The following NOTCH2 variants were observed in gnomAD, a reference collection of about 807,000 sequenced individuals.
NOTCH2 encodes notch receptor 2.
In NOTCH2, 29 loss-of-function variants were observed where a neutral mutation model predicts 235.8. That is an observed-to-expected ratio of 0.12 (90% CI 0.09 to 0.17). The LOEUF is 0.17. Among genes scored for constraint, NOTCH2 ranks in the 10% least tolerant of loss-of-function variants. The probability of loss-of-function intolerance (pLI) is 1.00; values close to 1 mark genes in which losing one functional copy is unlikely to be tolerated. For missense variants in NOTCH2, 2,285 were observed against 3,150.2 expected (o/e 0.73, Z 6.57); for synonymous variants, 1,086 against 1,141.5 (o/e 0.95, Z 0.98).
intron 1 of NOTCH2, among the ~76,000 whole-genome samples, chr1:120,064,081 ACT>A (rs1570799246): frequency 6.6e-6 from 1 of 151,794 alleles, no homozygotes; most frequent in African/African-American, 2.4e-5. Context: ...AGGTCTCAGG[ACT>A]CTGAGACAAA....
In NOTCH2 at chr1:119,997,314, G is replaced by A. The variant is rs150730704; in HGVS notation, c.434C>T (p.Thr145Met). Residue 145 changes from threonine (T) to methionine (M), a missense_variant, in exon 4 of 34, where the codon ACG (threonine) becomes ATG (methionine). By Grantham distance (81) the Thr-to-Met change is moderately conservative. This residue lies in a region of NOTCH2 where 431 missense variants were observed against 757.8 expected (regional missense o/e 0.57). Transcript: ENST00000256646. ...VGFTGKECQW[T>M]DACLSHPCAN... ...ACAGGGATGAGACAGGCAGGCATCCGTCCATTGGCACTCCTTACCTAAAGG... is the reference window on the plus strand; with the variant it reads ...ACAGGGATGAGACAGGCAGGCATCCATCCATTGGCACTCCTTACCTAAAGG... 85 of 1,613,990 alleles carry A rather than the reference G, an allele frequency of 5.3e-5. 1 individual carries two copies. Among genetic ancestry groups the A allele is most frequent in the Admixed American group, 2.5e-4 (15 of 60,022 alleles).
intron 1 of NOTCH2, among the ~76,000 whole-genome samples, chr1:120,031,159 TGGCC>T (rs1553210939): frequency 1.0e-4 from 15 of 148,410 alleles, no homozygotes; most frequent in African/African-American, 3.7e-4. Flanking sequence ...ACGCTAGGCC[TGGCC>T]ATCCCTGGCC....
rs886044278 is a variant in NOTCH2, at chr1:119,916,670, C to A, written c.6052G>T (p.Ala2018Ser). Residue 2018 changes from alanine (A) to serine (S), a missense_variant, in exon 34 of 34, where the codon GCC becomes TCC. Around this residue, in one of 6 missense-constraint regions of NOTCH2, gnomAD observed 128 missense variants for 255.9 expected, o/e 0.50. Transcript: ENST00000256646. ...GCTGCTTCATAGCTCCCCTCCCGGG[C>A]AGCAAGAAACAGAGGTGTCTCTTCC... ...NKEETPLFLA[A>S]REGSYEAAKI... The A allele has an allele frequency of 4.3e-6, 7 of 1,614,056 alleles. No individual in the cohort carries two copies. The African/African-American group carries it at 9.3e-5, about 22-fold the overall frequency.
At chr1:120,039,193 GTATCA>G (rs1457750048) in intron 1 of NOTCH2, among the ~76,000 whole-genome samples, 2 of 152,154 alleles carry the variant, frequency 1.3e-5, no homozygotes, top group Non-Finnish European at 2.9e-5. Flanking sequence ...GGAAGAAGCT[GTATCA>G]TATCTAGAAA....
chr1:119,915,903 A>G lies in NOTCH2; in HGVS notation c.6819T>C (p.Ala2273=). 6.2e-7 allele frequency: 1 copy of G among 1,614,162 alleles called. No individual in the cohort carries two copies. Among genetic ancestry groups the G allele is most frequent in the South Asian group, 1.1e-5 (1 of 91,084 alleles). ...QYNEMFGMVL[A]PAEGTHPGIA... Reference sequence around the variant, plus strand: ...TGCCAGGATGGGTGCCCTCAGCTGGAGCCAGGACCATACCAAACATCTCAT... The same window carrying G: ...TGCCAGGATGGGTGCCCTCAGCTGGGGCCAGGACCATACCAAACATCTCAT... The change falls in exon 34 of 34, where the codon GCT becomes GCC. Residue 2273 remains alanine (A), a synonymous_variant. Coordinates refer to ENST00000256646, the MANE Select transcript of NOTCH2 (RefSeq NM_024408.4).
At chr1:120,010,212 T>C (rs1553206748) in intron 2 of NOTCH2, among the ~76,000 whole-genome samples, 7 of 152,028 alleles carry the variant, frequency 4.6e-5, no homozygotes, top group Admixed American at 3.9e-4. Flanking sequence ...TCCTTTTTGA[T>C]ACAAATTCTG....
At chr1:120,037,017 T>C (rs1553212005) in intron 1 of NOTCH2, among the ~76,000 whole-genome samples, 1 of 152,134 alleles carries the variant, frequency 6.6e-6, no homozygotes, top group African/African-American at 2.4e-5. Context: ...CTTCAATGTG[T>C]TTTACTTGTT....
At chr1:119,978,819 GA>G (rs1392358956) in intron 5 of NOTCH2, among the ~76,000 whole-genome samples, 13 of 152,218 alleles carry the variant, frequency 8.5e-5, no homozygotes, top group African/African-American at 2.6e-4. Flanking sequence ...GGTTGAGAGT[GA>G]GGGGATCCAG....
chr1:120,029,328 A>T (rs1213067645), intron 2 of NOTCH2, among the ~76,000 whole-genome samples: 1 of 151,724 alleles, frequency 6.6e-6, no homozygotes, highest in African/African-American at 2.4e-5. Flanking sequence ...ACACAAGGGA[A>T]TCTAATATAT....
chr1:120,000,232 T>C (rs1402448655), intron 3 of NOTCH2, among the ~76,000 whole-genome samples: 2 of 151,724 alleles, frequency 1.3e-5, no homozygotes, highest in African/African-American at 4.9e-5. Context: ...AAATAGCATA[T>C]GTATAAAAGA....
Position 119,916,367 on chromosome 1 carries a change from G to A in NOTCH2, c.6355C>T (p.Leu2119Phe), listed in dbSNP as rs1649070818. 1 of 1,614,172 alleles carries A rather than the reference G, an allele frequency of 6.2e-7. No homozygotes were observed. Among genetic ancestry groups the A allele is most frequent in the Non-Finnish European group, 8.5e-7 (1 of 1,180,024 alleles). ...KSTMPTSLPN[L>F]AKEAKDAKGS... ...TTGGCATCCTTTGCCTCCTTGGCAA[G>A]GTTAGGGAGGCTAGTAGGCATGGTA... Residue 2119 changes from leucine (L) to phenylalanine (F), a missense_variant, in exon 34 of 34, where the codon CTT (leucine) becomes TTT (phenylalanine). Coordinates refer to ENST00000256646, the MANE Select transcript of NOTCH2 (RefSeq NM_024408.4).
At position 119,916,307 on chromosome 1, in the gene NOTCH2, C is replaced by A; in HGVS notation, c.6415G>T (p.Val2139Phe). ...GTTACTGAACTCTCAGACAGTTGGA[C>A]CTTCTCACTCAGAGACTTCTTCCTC... ...SRRKKSLSEK[V>F]QLSESSVTLS... Residue 2139 changes from valine to phenylalanine, a missense_variant, in exon 34 of 34, where the codon GTC becomes TTC. Val to Phe is a conservative substitution (Grantham distance 50, BLOSUM62 -1). Around this residue, in one of 6 missense-constraint regions of NOTCH2, gnomAD observed 504 missense variants for 538.0 expected, o/e 0.94. Transcript: ENST00000256646. 2 of 1,614,174 alleles carry A rather than the reference C, an allele frequency of 1.2e-6. No homozygotes were observed. The highest frequency in any genetic ancestry group is 1.7e-6 in the Non-Finnish European group (2 of 1,180,026).
rs1553199835 is a variant in NOTCH2, at chr1:119,967,570, G to A, written c.1316C>T (p.Ala439Val). 1.2e-6 allele frequency: 2 copies of A among 1,613,950 alleles called. No individual in the cohort carries two copies. Among genetic ancestry groups the A allele is most frequent in the African/African-American group, 2.7e-5 (2 of 74,908 alleles). ...HAGKCVNTDG[A>V]FHCECLKGYA... ...ACCCTTCAGACACTCACAGTGGAAG[G>A]CGCCATCCGTGTTCACACATTTTCC... Residue 439 changes from alanine to valine, a missense_variant, in exon 8 of 34, where the codon GCC (alanine) becomes GTC (valine). Coordinates refer to ENST00000256646, the MANE Select transcript of NOTCH2 (RefSeq NM_024408.4).
chr1:120,047,509 C>T (rs1474820036), intron 1 of NOTCH2, among the ~76,000 whole-genome samples: 4 of 88,972 alleles, frequency 4.5e-5, no homozygotes, highest in South Asian at 5.3e-4. Flanking sequence ...GGTGAAACCA[C>T]GTCTCTACTA....
chr1:120,069,251 C>G, intron 1 of NOTCH2, 83 bp downstream of exon 1: 1 of 1,525,570 alleles, frequency 6.6e-7, no homozygotes. Context: ...CCTTCCCACA[C>G]AGAGAAGGAC....
chr1:119,934,147 A>G (rs1444800324), intron 22 of NOTCH2, among the ~76,000 whole-genome samples: 2 of 152,222 alleles, frequency 1.3e-5, no homozygotes, highest in African/African-American at 4.8e-5. Flanking sequence ...ACCACATGTT[A>G]AAATGTGATC....
intron 1 of NOTCH2, among the ~76,000 whole-genome samples, chr1:120,037,841 T>C (rs1431589693): frequency 6.6e-6 from 1 of 151,940 alleles, no homozygotes; most frequent in African/African-American, 2.4e-5. Context: ...TATAGGGTCA[T>C]AGCAAATTAT....
At chr1:120,043,203 A>G (rs1372535869) in intron 1 of NOTCH2, among the ~76,000 whole-genome samples, 1 of 146,948 alleles carries the variant, frequency 6.8e-6, no homozygotes, top group Non-Finnish European at 1.5e-5. Flanking sequence ...ACCCAAGTCT[A>G]CAAAGCATTC....
At chr1:120,033,451 A>T (rs1553211305) in intron 1 of NOTCH2, among the ~76,000 whole-genome samples, 2 of 127,930 alleles carry the variant, frequency 1.6e-5, no homozygotes, top group Non-Finnish European at 3.3e-5. Flanking sequence ...AAGCTGTGGT[A>T]GATATATACA....
Sources: allele counts gnomAD v4.1 joint callset (sites outside exome capture counted in the v4.1 genomes callset), GRCh38; gene constraint gnomAD v4.1.1; regional missense constraint gnomAD v4.1.1; transcripts MANE v1.5; gene names NCBI Gene and HGNC (gene_info 2026-07-23, HGNC 2026-07-21).